SLC5A12: variants seen among roughly 807,000 people sequenced by gnomAD.
SLC5A12 encodes the protein sodium-coupled monocarboxylate transporter 2.
In SLC5A12, 46 loss-of-function variants were observed where a neutral mutation model predicts 72.7. The ratio of observed to expected loss-of-function variants is 0.63; its 90% CI spans 0.50 to 0.81. The LOEUF (loss-of-function observed/expected upper bound fraction) is 0.81, where lower values mean the gene tolerates loss of function less well. Ranked by LOEUF, SLC5A12 falls within the 30% of genes least tolerant of loss-of-function variation. The pLI, the probability that SLC5A12 is intolerant of heterozygous loss-of-function variation, is 0.00. For synonymous variants in SLC5A12, 275 were observed against 264.4 expected (o/e 1.04, Z -0.39); for missense variants, 683 against 740.7 (o/e 0.92, Z 0.90).
At chr11:26,684,094 G>C (rs1339557910) in intron 10 of SLC5A12, among the ~76,000 whole-genome samples, 3 of 151,866 alleles carry the variant, frequency 2.0e-5, no homozygotes, top group African/African-American at 7.3e-5. Flanking sequence ...TTAGTTTGAA[G>C]TTCAAGTTGA....
chr11:26,721,377 T>C lies in SLC5A12; in HGVS notation c.338A>G (p.Glu113Gly). The change falls in exon 1 of 15, where the codon GAG becomes GGG. Residue 113 changes from glutamate to glycine, a missense_variant and splice_region_variant. Transcript: ENST00000396005. ...FYRSGITSTY[E>G]YLQLRFNKPV... is the part of the protein sequence containing the mutation. Reference sequence around the variant, plus strand: ...AGAAGAATGGAGAAATCATCTTACCTCATAAGTGCTGGTGATACCAGATCT... The same window carrying C: ...AGAAGAATGGAGAAATCATCTTACCCCATAAGTGCTGGTGATACCAGATCT... 1 of 1,587,792 alleles carries C rather than the reference T, an allele frequency of 6.3e-7. No individual in the cohort carries two copies. Among genetic ancestry groups the C allele is most frequent in the Non-Finnish European group, 8.6e-7 (1 of 1,166,688 alleles).
chr11:26,673,453 C>T lies in SLC5A12; in HGVS notation c.1656G>A (p.Lys552=), dbSNP rs775381209. ...CTCCACACCAGCATAGTGTTTTGTA[C>T]TTCTTAGACCAAAAGCAAAATAAAT... ...VCNLFCFWSK[K]YKTLCWCGVQ... Residue 552 remains lysine, a synonymous_variant, in exon 14 of 15, where the codon AAG becomes AAA. Coordinates refer to ENST00000396005, the MANE Select transcript of SLC5A12 (RefSeq NM_178498.4). 6.2e-7 allele frequency: 1 copy of T among 1,611,910 alleles called. No homozygotes were observed. Among genetic ancestry groups the T allele is most frequent in the Admixed American group, 1.7e-5 (1 of 59,728 alleles).
intron 13 of SLC5A12, among the ~76,000 whole-genome samples, chr11:26,677,566 A>C (rs1854294637): frequency 6.6e-6 from 1 of 152,186 alleles, no homozygotes; most frequent in East Asian, 1.9e-4. Context: ...CTAAGGCAAA[A>C]TCTAAACAAA....
At chr11:26,703,767 G>A (rs1179867599) in intron 5 of SLC5A12, 26 bp downstream of exon 5, 2 of 1,613,154 alleles carry the variant, frequency 1.2e-6, no homozygotes, top group Non-Finnish European at 1.7e-6. Context: ...TCTTTGTAAA[G>A]TATGAAAAAG....
intron 11 of SLC5A12, among the ~76,000 whole-genome samples, chr11:26,681,600 C>T (rs1407147930): frequency 5.3e-5 from 8 of 152,126 alleles, no homozygotes; most frequent in Non-Finnish European, 1.5e-5. Context: ...TAGTTATTGA[C>T]AGCTTTTATA....
At chr11:26,704,541 A>G (rs1327517290) in intron 4 of SLC5A12, among the ~76,000 whole-genome samples, 2 of 152,178 alleles carry the variant, frequency 1.3e-5, no homozygotes, top group Non-Finnish European at 2.9e-5. Context: ...CATTAGCAAG[A>G]GTTATATGAT....
At chr11:26,720,989 C>T (rs1454680108) in intron 1 of SLC5A12, among the ~76,000 whole-genome samples, 1 of 152,144 alleles carries the variant, frequency 6.6e-6, no homozygotes, top group Non-Finnish European at 1.5e-5. Context: ...TTATCTGTAT[C>T]TCAGTTTTCT....
At chr11:26,710,913 G>A (rs1007670444) in intron 3 of SLC5A12, among the ~76,000 whole-genome samples, 1 of 151,634 alleles carries the variant, frequency 6.6e-6, no homozygotes, top group Non-Finnish European at 1.5e-5. Context: ...ATAAATTTTA[G>A]TGTAACTATT....
upstream of SLC5A12, among the ~76,000 whole-genome samples, chr11:26,723,086 T>C (rs1051445986): frequency 6.6e-6 from 1 of 151,770 alleles, no homozygotes; most frequent in Non-Finnish European, 1.5e-5. Context: ...ACCCAATACA[T>C]TATAGCCATT....
chr11:26,712,597 G>A (rs1245997182), intron 2 of SLC5A12, 44 bp downstream of exon 2: 8 of 1,426,124 alleles, frequency 5.6e-6, no homozygotes, highest in Non-Finnish European at 7.7e-6. Flanking sequence ...CCTATATCTA[G>A]TAACCTCACA....
chr11:26,689,126 T>A (rs896642095), intron 9 of SLC5A12, among the ~76,000 whole-genome samples: 2 of 146,036 alleles, frequency 1.4e-5, no homozygotes, highest in Non-Finnish European at 3.0e-5. Context: ...CTGGGTGCGG[T>A]GGCTCATGCC....
intron 1 of SLC5A12, among the ~76,000 whole-genome samples, chr11:26,714,382 T>G (rs1855301025): frequency 6.6e-6 from 1 of 152,098 alleles, no homozygotes; most frequent in Non-Finnish European, 1.5e-5. Flanking sequence ...GAAGTGACCA[T>G]TAACAAATAT....
chr11:26,692,403 T>TG (rs766314510), intron 9 of SLC5A12, 86 bp downstream of exon 9: 2 of 860,664 alleles, frequency 2.3e-6, no homozygotes, highest in Middle Eastern at 2.2e-4. Flanking sequence ...TTTATAAGTG[T>TG]GTCCTGAATA....
At chr11:26,683,874 C>G in intron 10 of SLC5A12, 31 bp from the exon 11 acceptor site, 1 of 1,548,880 alleles carries the variant, frequency 6.5e-7, no homozygotes, top group Non-Finnish European at 8.8e-7. Flanking sequence ...AGATGAATCC[C>G]CTACTCAAGG....
At chr11:26,702,146 T>C (rs527498287) in intron 6 of SLC5A12, among the ~76,000 whole-genome samples, 1 of 152,192 alleles carries the variant, frequency 6.6e-6, no homozygotes, top group Non-Finnish European at 1.5e-5. Flanking sequence ...CAAAGTCACA[T>C]GCATTTTCAA....
intron 9 of SLC5A12, among the ~76,000 whole-genome samples, chr11:26,690,885 T>A (rs562870248): frequency 1.8e-4 from 27 of 151,602 alleles, no homozygotes; most frequent in Non-Finnish European, 3.4e-4. Flanking sequence ...GTACTTACAA[T>A]CTAAAGGAAA....
At chr11:26,715,676 A>G (rs1236133890) in intron 1 of SLC5A12, among the ~76,000 whole-genome samples, 1 of 152,156 alleles carries the variant, frequency 6.6e-6, no homozygotes, top group Non-Finnish European at 1.5e-5. Flanking sequence ...TAGTAAATAT[A>G]TTGCAAGTAC....
chr11:26,684,018 G>T (rs932898202), intron 10 of SLC5A12, among the ~76,000 whole-genome samples, 175 bp from the exon 11 acceptor site: 1 of 136,206 alleles, frequency 7.3e-6, no homozygotes, highest in African/African-American at 2.7e-5. Context: ...GATAAGCACT[G>T]TATTTATGTA....
At chr11:26,701,219 G>T (rs1271768632) in intron 6 of SLC5A12, among the ~76,000 whole-genome samples, 1 of 152,090 alleles carries the variant, frequency 6.6e-6, no homozygotes, top group Non-Finnish European at 1.5e-5. Context: ...CATCTGAACT[G>T]ATTTCTCTCT....
Sources: gnomAD v4.1 joint callset for allele counts (sites outside exome capture counted in the v4.1 genomes callset) on GRCh38, gnomAD v4.1.1 for gene constraint, MANE v1.5 for transcripts, NCBI Gene and HGNC (gene_info 2026-07-23, HGNC 2026-07-21) for gene names.